Variants in SUGCT observed in about 807,000 individuals in gnomAD.
SUGCT encodes the protein succinyl-CoA:glutarate CoA-transferase.
In SUGCT, 41 loss-of-function variants were observed where a neutral mutation model predicts 55.0. The ratio of observed to expected loss-of-function variants is 0.74; its 90% CI spans 0.58 to 0.97. The LOEUF (loss-of-function observed/expected upper bound fraction) is 0.97. Ranked by LOEUF, SUGCT falls within the 50% of genes least tolerant of loss-of-function variation. The pLI, the probability that SUGCT is intolerant of heterozygous loss-of-function variation, is 0.00. For missense variants in SUGCT, 568 were observed against 547.8 expected, an observed-to-expected ratio of 1.04 and a Z score of -0.37; for synonymous variants, 187 against 200.4, an observed-to-expected ratio of 0.93 and a Z score of 0.56.
intron 13 of SUGCT, among the ~76,000 whole-genome samples, chr7:40,815,258 C>T (rs1487711585): frequency 6.6e-6 from 1 of 152,260 alleles, no homozygotes; most frequent in Admixed American, 6.5e-5. Flanking sequence ...AGCACCAGTG[C>T]TGAGGGTGGG....
At chr7:40,526,075 T>A (rs1223632914) in intron 12 of SUGCT, among the ~76,000 whole-genome samples, 5 of 152,186 alleles carry the variant, frequency 3.3e-5, no homozygotes, top group African/African-American at 4.8e-5. Context: ...TTTATGAAGA[T>A]TTTTACTGTT....
At position 40,234,451 on chromosome 7, in the gene SUGCT, C is replaced by T. The variant is rs62456127; in HGVS notation, c.485-3184C>T. On this transcript the variant is annotated intron_variant, in intron 6 of 13. Transcript: ENST00000335693. ...TCTCTAAAACTTGGCGTTATTTCTG[C>T]ACAGAGAATGTTGGCTTATAGTTTA... Among the ~76,000 whole-genome samples the T allele has an allele frequency of 3.2e-3, 483 of 152,288 alleles. 4 individuals are homozygous for T. Among genetic ancestry groups the T allele is most frequent in the Non-Finnish European group, 3.7e-3 (254 of 68,020 alleles).
intron 9 of SUGCT, among the ~76,000 whole-genome samples, chr7:40,325,541 G>A (rs1486014800): frequency 7.9e-5 from 12 of 152,160 alleles, no homozygotes; most frequent in Admixed American, 7.9e-4. Context: ...GAGACATTAA[G>A]CAGTTATGTT....
chr7:40,853,071 C>T (rs1489767222), intron 13 of SUGCT, among the ~76,000 whole-genome samples: 6 of 143,380 alleles, frequency 4.2e-5, no homozygotes, highest in Non-Finnish European at 6.1e-5. Flanking sequence ...CTCAGCACAA[C>T]ACTTCAAAAA....
intron 12 of SUGCT, among the ~76,000 whole-genome samples, chr7:40,553,865 T>TA (rs1795430586): frequency 2.6e-5 from 4 of 152,338 alleles, no homozygotes; most frequent in South Asian, 4.1e-4. Flanking sequence ...CCTGGGAACT[T>TA]AGACAACTCA....
At chr7:40,691,013 C>G (rs910650627) in intron 12 of SUGCT, among the ~76,000 whole-genome samples, 4 of 152,096 alleles carry the variant, frequency 2.6e-5, no homozygotes, top group Non-Finnish European at 5.9e-5. Flanking sequence ...ATACTTGGGC[C>G]TTTTGCACTT....
chr7:40,398,591 G>T (rs1167252413), intron 9 of SUGCT, among the ~76,000 whole-genome samples: 6 of 150,224 alleles, frequency 4.0e-5, no homozygotes, highest in African/African-American at 1.5e-4. Context: ...ATCAAATAGG[G>T]TCTTGTTTTG....
chr7:40,227,605 T>C (rs1004420662), intron 6 of SUGCT, among the ~76,000 whole-genome samples: 2 of 152,134 alleles, frequency 1.3e-5, no homozygotes, highest in African/African-American at 2.4e-5. Context: ...AATGTCAACT[T>C]TATTTTATAA....
the SUGCT span, among the ~76,000 whole-genome samples, chr7:40,995,338 C>T: frequency 3.8e-3 from 569 of 151,718 alleles, 4 homozygotes; most frequent in African/African-American, 0.011. Flanking sequence ...ATTTTATCCC[C>T]GTTATCTCCT....
At chr7:40,147,113 C>A (rs593117) in intron 1 of SUGCT, among the ~76,000 whole-genome samples, 4 of 151,882 alleles carry the variant, frequency 2.6e-5, no homozygotes, top group Non-Finnish European at 5.9e-5. Context: ...GCTGGTCTTT[C>A]CCTGCCTCTG....
the SUGCT span, among the ~76,000 whole-genome samples, chr7:40,885,348 C>T: frequency 2.0e-5 from 3 of 152,160 alleles, no homozygotes; most frequent in Non-Finnish European, 4.4e-5. Flanking sequence ...CCACTTCTTC[C>T]TTCTTTTAAT....
At position 40,222,042 on chromosome 7, in the gene SUGCT, T is replaced by C. The variant is rs184975842; in HGVS notation, c.485-15593T>C. Among the ~76,000 whole-genome samples the C allele has an allele frequency of 1.6e-3, 246 of 152,258 alleles. 2 individuals are homozygous for C. The highest frequency in any genetic ancestry group is 0.01 in the Middle Eastern group (3 of 294). On this transcript the variant is annotated intron_variant, in intron 6 of 13. Coordinates refer to ENST00000335693, the MANE Select transcript of SUGCT (RefSeq NM_001193313.2). ...CAGTTCTGCAAATATTTCCTGTGGA[T>C]TGGGGTAAGAGAGAGAAGAACATTG...
intron 7 of SUGCT, among the ~76,000 whole-genome samples, chr7:40,242,517 T>C (rs1584433939): frequency 6.6e-6 from 1 of 152,078 alleles, no homozygotes; most frequent in Admixed American, 6.6e-5. Context: ...CTTACATAAC[T>C]TGATATGTAA....
rs528290654 is a variant in SUGCT at position 40,160,964 on chromosome 7, G to T, written c.101-19983G>T. Among the ~76,000 whole-genome samples, 3 of 151,936 alleles carry T rather than the reference G, an allele frequency of 2.0e-5. No homozygotes were observed. The South Asian group carries it at 6.2e-4, about 32-fold the overall frequency. On this transcript the variant is annotated intron_variant, in intron 1 of 13. Transcript: ENST00000335693. ...TATAATATTATATATACCCTTTTTG[G>T]TGGACGGTTTGATAATATGTATTAA...
intron 1 of SUGCT, chr7:40,152,444 G>T: frequency 5.7e-6 from 1 of 175,506 alleles, no homozygotes; most frequent in East Asian, 1.5e-4. Flanking sequence ...AGCCAGCTTT[G>T]AGCAAACAGC....
Position 40,467,180 on chromosome 7 carries a change from G to A in SUGCT, c.986+7982G>A, listed in dbSNP as rs182642215. Among the ~76,000 whole-genome samples, 9 of 112,032 alleles carry A rather than the reference G, an allele frequency of 8.0e-5. No individual in the cohort carries two copies. In the East Asian group the frequency reaches 2.5e-3, roughly 31 times the overall value. The allele number at this position is 112,032 out of a possible 152,430, so 73.5% of individuals were successfully genotyped here. A position where few individuals can be genotyped will look rare whatever the true frequency, so the allele number is the denominator to read the frequency against. The stretch of plus-strand genomic sequence containing the variant: ...TCGTGCCACTGCACTCCAGCCTAGC[G>A]ACAGAGCAAGACTCTAAGAAAAAGA... On this transcript the variant is annotated intron_variant, in intron 11 of 13. Coordinates refer to ENST00000335693, the MANE Select transcript of SUGCT (RefSeq NM_001193313.2).
At chr7:40,820,759 C>A (rs1791945457) in intron 13 of SUGCT, among the ~76,000 whole-genome samples, 1 of 152,160 alleles carries the variant, frequency 6.6e-6, no homozygotes, top group Admixed American at 6.5e-5. Flanking sequence ...CCCTTTATTT[C>A]TTTCTCCTGC....
intron 1 of SUGCT, among the ~76,000 whole-genome samples, chr7:40,171,132 A>G (rs1485167063): frequency 3.3e-5 from 5 of 152,218 alleles, no homozygotes; most frequent in Non-Finnish European, 5.9e-5. Context: ...CTTTGTAGGA[A>G]TGTGCCCTAA....
chr7:40,502,008 T>C (rs1792306423), intron 12 of SUGCT, among the ~76,000 whole-genome samples: 1 of 152,116 alleles, frequency 6.6e-6, no homozygotes, highest in East Asian at 1.9e-4. Flanking sequence ...TATTAATAAA[T>C]TTCTTCTTAA....
Sources: allele counts gnomAD v4.1 joint callset (sites outside exome capture counted in the v4.1 genomes callset), GRCh38; gene constraint gnomAD v4.1.1; transcripts MANE v1.5; gene names NCBI Gene and HGNC (gene_info 2026-07-23, HGNC 2026-07-21).